Variants in NUP205 observed in about 807,000 individuals in gnomAD.
NUP205 encodes nucleoporin 205, also known as nuclear pore complex protein Nup205.
A neutral mutation model predicts 253.8 loss-of-function variants in NUP205; 76 were observed. The observed-to-expected ratio is 0.30, with a 90% confidence interval of 0.25 to 0.36. The LOEUF (loss-of-function observed/expected upper bound fraction) is 0.36. Ranked by LOEUF, NUP205 falls within the 10% of genes least tolerant of loss-of-function variation. NUP205 has a pLI of 1.00. For synonymous variants in NUP205, 832 were observed against 850.1 expected, an observed-to-expected ratio of 0.98 and a Z score of 0.37; for missense variants, 2,162 against 2,425.5, an observed-to-expected ratio of 0.89 and a Z score of 2.28.
rs750611241 is a variant in NUP205, at chr7:135,557,920, A to G, written c.-25A>G. 8 of 1,612,360 alleles carry G rather than the reference A, an allele frequency of 5.0e-6. 1 individual carries two copies. Among genetic ancestry groups the G allele is most frequent in the Non-Finnish European group, 6.8e-6 (8 of 1,178,348 alleles). ...TTTCCCGGGGCCTCCATGCGGCAGA[A>G]GGGCTCTGTTAGTGCGCCTCTAAGA... On this transcript the variant is annotated 5_prime_UTR_variant, in exon 1 of 43. Transcript: ENST00000285968.
intron 2 of NUP205, 79 bp from the exon 3 acceptor site, chr7:135,573,575 A>G (rs1563111524): frequency 2.0e-6 from 2 of 999,918 alleles, no homozygotes; most frequent in East Asian, 5.1e-5. Context: ...ATTATCATGA[A>G]TAAGCTTCTG....
At position 135,644,921 on chromosome 7, in the gene NUP205, T is replaced by C. The variant is rs780142479; in HGVS notation, c.5586T>C (p.Gly1862=). Reference sequence around the variant, plus strand: ...TGTGTCAGTCTGTGATGCCTGCTGGTGTTGATAAAATCTCCACTGCTCAGA... The same window carrying C: ...TGTGTCAGTCTGTGATGCCTGCTGGCGTTGATAAAATCTCCACTGCTCAGA... The part of the protein sequence containing the change: ...KELCQSVMPA[G]VDKISTAQKY... Residue 1862 remains glycine (G), a synonymous_variant, in exon 40 of 43, where the codon GGT becomes GGC. Transcript: ENST00000285968. 6.2e-7 allele frequency: 1 copy of C among 1,614,084 alleles called. No individual in the cohort carries two copies. Among genetic ancestry groups the C allele is most frequent in the Non-Finnish European group, 8.5e-7 (1 of 1,179,934 alleles).
intron 2 of NUP205, among the ~76,000 whole-genome samples, 167 bp from the exon 3 acceptor site, chr7:135,573,487 T>C (rs1328011933): frequency 6.6e-6 from 1 of 152,228 alleles, no homozygotes; most frequent in East Asian, 1.9e-4. Context: ...TTTAAGGTTA[T>C]GCAAAATATT....
intron 31 of NUP205, 54 bp from the exon 32 acceptor site, chr7:135,625,110 T>A: frequency 7.4e-7 from 1 of 1,343,414 alleles, no homozygotes; most frequent in African/African-American, 1.5e-5. Context: ...CAGTTACTGT[T>A]GTTGATTTTG....
At chr7:135,626,387 G>T in intron 33 of NUP205, 26 bp downstream of exon 33, 2 of 1,594,166 alleles carry the variant, frequency 1.3e-6, no homozygotes, top group South Asian at 2.3e-5. Flanking sequence ...GATTAATTTG[G>T]TTAAACTCCC....
At chr7:135,621,651 A>G (rs754920724) in intron 30 of NUP205, among the ~76,000 whole-genome samples, 25 of 152,134 alleles carry the variant, frequency 1.6e-4, no homozygotes, top group Non-Finnish European at 3.4e-4. Flanking sequence ...GTTCCTAATC[A>G]TTGTATAATG....
In NUP205 at chr7:135,602,907, T is replaced by C. The variant is rs772723601; in HGVS notation, c.2615T>C (p.Leu872Pro). Residue 872 changes from leucine to proline, a missense_variant, in exon 18 of 43, where the codon CTG (leucine) becomes CCG (proline). By Grantham distance (98) the Leu-to-Pro change is moderately conservative. Coordinates refer to ENST00000285968, the MANE Select transcript of NUP205 (RefSeq NM_015135.3). ...LFMDLLRESQ[L>P]ALIVCPLEQL... ...ATGGACCTTCTAAGAGAGAGTCAAC[T>C]GGCTCTAATAGTCTGTCCTTTAGAA... 23 of 1,613,702 alleles carry C rather than the reference T, an allele frequency of 1.4e-5. No individual in the cohort carries two copies. Among genetic ancestry groups the C allele is most frequent in the Admixed American group, 5.0e-5 (3 of 59,992 alleles).
intron 8 of NUP205, 98 bp downstream of exon 8, chr7:135,585,105 T>A (rs906968160): frequency 2.9e-6 from 3 of 1,049,056 alleles, no homozygotes; most frequent in Non-Finnish European, 4.0e-6. Flanking sequence ...CTAATAAAAA[T>A]TTTTAATACA....
chr7:135,635,494 A>G (rs912707009), intron 35 of NUP205, 87 bp from the exon 36 acceptor site: 2 of 767,514 alleles, frequency 2.6e-6, no homozygotes, highest in Non-Finnish European at 4.2e-6. Flanking sequence ...GCACATAAAC[A>G]ATATAAAATA....
chr7:135,616,614 GTTC>G (rs775091472), intron 24 of NUP205, 38 bp from the exon 25 acceptor site: 12 of 1,187,794 alleles, frequency 1.0e-5, no homozygotes, highest in African/African-American at 1.6e-5. Context: ...TTAAGAGTAT[GTTC>G]TTCTTTTTCT....
chr7:135,608,045 A>T (rs1381924099), intron 22 of NUP205, among the ~76,000 whole-genome samples: 163 of 110,676 alleles, frequency 1.5e-3, no homozygotes, highest in Middle Eastern at 6.7e-3. Flanking sequence ...TTTTTTTTTT[A>T]ATATGGAGTC....
chr7:135,616,838 A>C, intron 25 of NUP205, 112 bp downstream of exon 25: 2 of 677,776 alleles, frequency 3.0e-6, no homozygotes, highest in South Asian at 6.0e-5. Context: ...GGTATAGAAA[A>C]GTTATATAAA....
chr7:135,587,918 A>T lies in NUP205; in HGVS notation c.1399A>T (p.Thr467Ser). The change falls in exon 10 of 43, where the codon ACA (threonine) becomes TCA (serine). Residue 467 changes from threonine to serine, a missense_variant. Coordinates refer to ENST00000285968, the MANE Select transcript of NUP205 (RefSeq NM_015135.3). ...LELALEYWCP[T>S]EPLQTPTIMG... Reference sequence around the variant, plus strand: ...GCTTGCTCTAGAATATTGGTGTCCCACAGAGCCTCTTCAGACTCCGACTAT... The same window carrying T: ...GCTTGCTCTAGAATATTGGTGTCCCTCAGAGCCTCTTCAGACTCCGACTAT... The T allele has an allele frequency of 6.2e-7, 1 of 1,614,050 alleles. No homozygotes were observed. The highest frequency in any genetic ancestry group is 8.5e-7 in the Non-Finnish European group (1 of 1,179,938).
At chr7:135,639,509 G>A (rs1794879256) in intron 38 of NUP205, among the ~76,000 whole-genome samples, 1 of 152,028 alleles carries the variant, frequency 6.6e-6, no homozygotes, top group African/African-American at 2.4e-5. Context: ...GGCCAACATG[G>A]TGAAACCCTG....
In NUP205 at chr7:135,646,137, ACT is replaced by A. The variant is rs779717340; in HGVS notation, c.5813-18_5813-17del. 1.1e-5 allele frequency: 17 copies of A among 1,564,652 alleles called. No homozygotes were observed. Among genetic ancestry groups the A allele is most frequent in the African/African-American group, 5.4e-5 (4 of 73,836 alleles). ...GATAGGTACTTGCACAGCCGGTATGACTCTGTTTTTTTATCTCTAGATTCCTT... is the reference window on the plus strand; with the variant it reads ...GATAGGTACTTGCACAGCCGGTATGACTGTTTTTTTATCTCTAGATTCCTT... On this transcript the variant is annotated intron_variant, in intron 41 of 42. Transcript: ENST00000285968.
intron 34 of NUP205, 152 bp downstream of exon 34, chr7:135,628,263 G>A (rs1794636320): frequency 1.8e-6 from 1 of 566,532 alleles, no homozygotes. Context: ...CCTGTACTTT[G>A]TTCTTAACTA....
In NUP205 at chr7:135,598,096, T is replaced by C; in HGVS notation, c.2163T>C (p.Ser721=). The C allele has an allele frequency of 1.2e-6, 2 of 1,614,170 alleles. No individual in the cohort carries two copies. Among genetic ancestry groups the C allele is most frequent in the East Asian group, 2.2e-5 (1 of 44,880 alleles). Residue 721 remains serine (S), a synonymous_variant, in exon 15 of 43, where the codon TCT becomes TCC. Transcript: ENST00000285968. ...ISTLVESSFP[S]NLGAGLRPPG... ...CTCTGGTGGAGAGCTCATTTCCTTC[T>C]AATTTGGGTGCTGGACTGCGGCCCC...
chr7:135,586,084 C>G (rs754956417), intron 8 of NUP205, among the ~76,000 whole-genome samples: 4 of 151,684 alleles, frequency 2.6e-5, no homozygotes, highest in Non-Finnish European at 5.9e-5. Flanking sequence ...GGGAGAAAAA[C>G]GTCTTTTTTT....
At chr7:135,593,352 T>C (rs1163980611) in intron 12 of NUP205, among the ~76,000 whole-genome samples, 160 bp downstream of exon 12, 6 of 152,208 alleles carry the variant, frequency 3.9e-5, no homozygotes, top group Admixed American at 3.9e-4. Flanking sequence ...TTTTGACCTC[T>C]ACAGGGTGTA....
Sources: allele counts gnomAD v4.1 joint callset (sites outside exome capture counted in the v4.1 genomes callset), GRCh38; gene constraint gnomAD v4.1.1; transcripts MANE v1.5; gene names NCBI Gene and HGNC (gene_info 2026-07-23, HGNC 2026-07-21).